PEAK1: variants seen among roughly 807,000 people sequenced by gnomAD.
PEAK1 encodes inactive tyrosine-protein kinase PEAK1.
A neutral mutation model predicts 124.7 loss-of-function variants in PEAK1; 54 were observed. The observed-to-expected ratio is 0.43, with a 90% CI of 0.35 to 0.54. The LOEUF (loss-of-function observed/expected upper bound fraction) is 0.54. PEAK1 is among the 20% of genes least tolerant of loss of function. The probability of loss-of-function intolerance (pLI) is 0.01; values close to 1 mark genes in which losing one functional copy is unlikely to be tolerated. For synonymous variants in PEAK1, 719 were observed against 760.0 expected (o/e 0.95, Z 0.89); for missense variants, 2,046 against 2,134.5 (o/e 0.96, Z 0.82).
chr15:77,346,527 G>C, intron 2 of PEAK1: 1 of 985,238 alleles, frequency 1.0e-6, no homozygotes, highest in Non-Finnish European at 1.2e-6. Flanking sequence ...AGGATGTACG[G>C]GCTCAGACAC....
rs71145812 is a variant in PEAK1, at chr15:77,304,442, ATTTTTTTTTTT to A, written c.-602-17949_-602-17939del. 3.5e-5 allele frequency among the ~76,000 whole-genome samples: 3 copies of A among 86,490 alleles called. No individual in the cohort carries two copies. In the South Asian group the frequency reaches 1.2e-3, roughly 34 times the overall value. The allele number at this position is 86,490 out of a possible 152,430, so 56.7% of individuals were successfully genotyped here. Reference sequence around the variant, plus strand: ...ACTGTAGCTCCTAGCTCCTGTATACATTTTTTTTTTTTTTTTTTTTTTTTGAGACGGAGTCT... The same window carrying A: ...ACTGTAGCTCCTAGCTCCTGTATACATTTTTTTTTTTTTGAGACGGAGTCT... On this transcript the variant is annotated intron_variant, in intron 2 of 9. Transcript: ENST00000682557.
chr15:77,367,912 G>A (rs1490115318), intron 1 of PEAK1, among the ~76,000 whole-genome samples: 2 of 152,112 alleles, frequency 1.3e-5, no homozygotes, highest in Non-Finnish European at 2.9e-5. Context: ...CAGCTAGATG[G>A]GGCTTTCAAG....
chr15:77,279,455 C>A (rs370512438), intron 5 of PEAK1, among the ~76,000 whole-genome samples: 1 of 152,156 alleles, frequency 6.6e-6, no homozygotes, highest in African/African-American at 2.4e-5. Flanking sequence ...TAATTGGTTA[C>A]CAGTGTGTCA....
At chr15:77,314,982 C>T (rs1333827036) in intron 2 of PEAK1, among the ~76,000 whole-genome samples, 1 of 152,070 alleles carries the variant, frequency 6.6e-6, no homozygotes, top group Non-Finnish European at 1.5e-5. Flanking sequence ...ATCATCCGTA[C>T]CCCAAACCTC....
intron 6 of PEAK1, among the ~76,000 whole-genome samples, chr15:77,184,002 A>T: frequency 6.6e-6 from 1 of 151,088 alleles, no homozygotes; most frequent in Admixed American, 6.6e-5. Flanking sequence ...TAATTTTTCT[A>T]TTTTTTTTAT....
At chr15:77,191,427 A>G (rs1025734621) in intron 6 of PEAK1, among the ~76,000 whole-genome samples, 3 of 152,148 alleles carry the variant, frequency 2.0e-5, no homozygotes, top group Admixed American at 6.6e-5. Context: ...TGACATACCA[A>G]TTGGGCACTT....
intron 5 of PEAK1, among the ~76,000 whole-genome samples, chr15:77,264,551 C>T (rs558177542): frequency 2.3e-4 from 35 of 152,182 alleles, no homozygotes; most frequent in Admixed American, 1.2e-3. Flanking sequence ...TTACAAGGGA[C>T]GTGAAGGACC....
At chr15:77,341,301 A>G (rs968487384) in intron 2 of PEAK1, among the ~76,000 whole-genome samples, 1 of 151,984 alleles carries the variant, frequency 6.6e-6, no homozygotes, top group Non-Finnish European at 1.5e-5. Context: ...GGAGTTTGAG[A>G]CCAGCCTGGC....
At chr15:77,117,730 G>A (rs1311220436) in intron 9 of PEAK1, among the ~76,000 whole-genome samples, 1 of 152,080 alleles carries the variant, frequency 6.6e-6, no homozygotes, top group African/African-American at 2.4e-5. Flanking sequence ...GCAACCTAAA[G>A]CTATGAGAGA....
At chr15:77,418,759 C>A in intron 1 of PEAK1, 1 of 985,370 alleles carries the variant, frequency 1.0e-6, no homozygotes, top group Non-Finnish European at 1.2e-6. Context: ...ACGTTTTTCA[C>A]TTCCACACTG....
intron 2 of PEAK1, chr15:77,337,226 G>A: frequency 1.0e-6 from 1 of 983,866 alleles, no homozygotes; most frequent in Non-Finnish European, 1.2e-6. Context: ...GCCAAGACAA[G>A]ATAATACAGA....
At chr15:77,154,514 T>C (rs1249098216) in intron 8 of PEAK1, among the ~76,000 whole-genome samples, 4 of 152,350 alleles carry the variant, frequency 2.6e-5, no homozygotes, top group East Asian at 1.9e-4. Context: ...ATGTGTGAAT[T>C]TGATCCTGTC....
At chr15:77,115,613 T>C (rs576958917) in intron 9 of PEAK1, among the ~76,000 whole-genome samples, 49 of 143,358 alleles carry the variant, frequency 3.4e-4, no homozygotes, top group Admixed American at 3.0e-3. Context: ...CCCGGGGTTA[T>C]GTGTGCAAAC....
At chr15:77,347,382 A>G in intron 2 of PEAK1, 1 of 985,424 alleles carries the variant, frequency 1.0e-6, no homozygotes. Flanking sequence ...TTTCTGAATC[A>G]GAAAGAATCG....
chr15:77,360,637 T>C (rs1039494481), intron 2 of PEAK1, among the ~76,000 whole-genome samples: 3 of 152,150 alleles, frequency 2.0e-5, no homozygotes, highest in Admixed American at 6.5e-5. Flanking sequence ...CTCTTCTTTA[T>C]AGGTGGGTTA....
At chr15:77,127,229 A>T (rs1236198447) in intron 9 of PEAK1, among the ~76,000 whole-genome samples, 1 of 152,212 alleles carries the variant, frequency 6.6e-6, no homozygotes. Flanking sequence ...CCTCACTAGA[A>T]GCCAAATCAG....
chr15:77,317,203 A>C (rs2064933482), intron 2 of PEAK1, among the ~76,000 whole-genome samples: 1 of 152,222 alleles, frequency 6.6e-6, no homozygotes, highest in Non-Finnish European at 1.5e-5. Context: ...CAAAATCGTT[A>C]AGTCTGGGTG....
At chr15:77,248,797 CTATAT>C (rs1455448125) in intron 6 of PEAK1, among the ~76,000 whole-genome samples, 1 of 144,502 alleles carries the variant, frequency 6.9e-6, no homozygotes, top group African/African-American at 2.5e-5. Flanking sequence ...ATTATTACTA[CTATAT>C]TTTATTTTAT....
chr15:77,339,437 T>G (rs1376509464), intron 2 of PEAK1, among the ~76,000 whole-genome samples: 1 of 152,222 alleles, frequency 6.6e-6, no homozygotes, highest in Non-Finnish European at 1.5e-5. Flanking sequence ...TATATCTAAT[T>G]GTATGTTCTA....
Sources: allele counts gnomAD v4.1 joint callset (sites outside exome capture counted in the v4.1 genomes callset), GRCh38; gene constraint gnomAD v4.1.1; transcripts MANE v1.5; gene names NCBI Gene and HGNC (gene_info 2026-07-23, HGNC 2026-07-21).